The following ANKIB1 variants were observed in gnomAD, a reference collection of about 807,000 sequenced individuals.
ANKIB1 encodes ankyrin repeat and IBR domain-containing protein 1.
A neutral mutation model predicts 122.1 loss-of-function variants in ANKIB1; 43 were observed. The observed-to-expected ratio is 0.35, with a 90% CI of 0.28 to 0.45. ANKIB1 has a LOEUF of 0.45. Ranked by LOEUF, ANKIB1 falls within the 20% of genes least tolerant of loss-of-function variation. The probability of loss-of-function intolerance (pLI) is 1.00; values close to 1 mark genes in which losing one functional copy is unlikely to be tolerated. For synonymous variants in ANKIB1, 390 were observed against 442.0 expected (o/e 0.88, Z 1.48); for missense variants, 992 against 1,329.5 (o/e 0.75, Z 3.95).
At chr7:92,368,700 G>A (rs1160487741) in intron 10 of ANKIB1, among the ~76,000 whole-genome samples, 5 of 151,104 alleles carry the variant, frequency 3.3e-5, no homozygotes, top group African/African-American at 7.3e-5. Context: ...CAGCCTGGGC[G>A]ACAGTGCGAG....
At position 92,345,000 on chromosome 7, in the gene ANKIB1, T is replaced by C; in HGVS notation, c.1019T>C (p.Ile340Thr). 6.2e-7 allele frequency: 1 copy of C among 1,612,976 alleles called. No homozygotes were observed. The highest frequency in any genetic ancestry group is 1.1e-5 in the South Asian group (1 of 90,996). ...TSLCDICMCS[I>T]SVFEDPVDMP... ...CAGTGTGACATTTGTATGTGCAGTA[T>C]CTCTGTATTTGAAGACCCTGTGGAT... Residue 340 changes from isoleucine to threonine, a missense_variant, in exon 7 of 20, where the codon ATC becomes ACC. Ile to Thr is a moderately conservative substitution (Grantham distance 89). Around this residue, in one of 4 missense-constraint regions of ANKIB1, gnomAD observed 521 missense variants for 777.7 expected, o/e 0.67. Transcript: ENST00000265742.
At chr7:92,384,620 A>C (rs1203397600) in intron 11 of ANKIB1, among the ~76,000 whole-genome samples, 1 of 152,226 alleles carries the variant, frequency 6.6e-6, no homozygotes, top group Non-Finnish European at 1.5e-5. Flanking sequence ...AACCTGACAA[A>C]AACAAGAAAT....
intron 9 of ANKIB1, among the ~76,000 whole-genome samples, chr7:92,358,767 GT>G (rs1355981475): frequency 8.0e-6 from 1 of 124,844 alleles, no homozygotes; most frequent in Non-Finnish European, 1.8e-5. Context: ...GATTGCATTT[GT>G]TTGTTTTAGT....
At chr7:92,257,057 G>T (rs1801461834) in intron 1 of ANKIB1, among the ~76,000 whole-genome samples, 1 of 152,208 alleles carries the variant, frequency 6.6e-6, no homozygotes, top group East Asian at 1.9e-4. Context: ...GGGCATGGTG[G>T]TGCGTGCCTG....
At chr7:92,326,431 C>T (rs1040010703) in intron 4 of ANKIB1, among the ~76,000 whole-genome samples, 2 of 151,998 alleles carry the variant, frequency 1.3e-5, no homozygotes, top group Non-Finnish European at 2.9e-5. Context: ...TAAATGAAGT[C>T]GAATGATGGA....
Position 92,400,559 on chromosome 7 carries a change from A to G in ANKIB1, c.*1610A>G, listed in dbSNP as rs1804992980. ...AGTTATATTAATATTGTTATCCACA[A>G]GAGATGTGATTATGGGTTTTGATTA... is the stretch of plus-strand genomic sequence containing the variant. On this transcript the variant is annotated 3_prime_UTR_variant, in exon 20 of 20. Transcript: ENST00000265742. 6.6e-6 allele frequency: 1 copy of G among 152,188 alleles called. No homozygotes were observed. The highest frequency in any genetic ancestry group is 6.5e-5 in the Admixed American group (1 of 15,278). 9.4% of individuals were successfully genotyped at this position (152,188 alleles called of 1,614,324 possible).
chr7:92,339,244 G>A (rs1346587861), intron 5 of ANKIB1, among the ~76,000 whole-genome samples: 1 of 151,282 alleles, frequency 6.6e-6, no homozygotes, highest in African/African-American at 2.4e-5. Flanking sequence ...GGGTTTCACT[G>A]TGTTAGCCAG....
chr7:92,391,286 CTGGCATCTG>C lies in ANKIB1; in HGVS notation c.2178_2186del (p.Ser727_Ala729del). ...TGTACAGCAGAAGAGGCAAGAATTC[CTGGCATCTG>C]TGGCTCGGGGAGTAGCTCCTGCAGA... On this transcript the variant is annotated inframe_deletion, in exon 16 of 20. Coordinates refer to ENST00000265742, the MANE Select transcript of ANKIB1 (RefSeq NM_019004.2). 1 of 1,613,506 alleles carries C rather than the reference CTGGCATCTG, an allele frequency of 6.2e-7. No individual in the cohort carries two copies. The highest frequency in any genetic ancestry group is 8.5e-7 in the Non-Finnish European group (1 of 1,179,640).
rs1017098994 is a variant in ANKIB1, at chr7:92,309,064, T to C, written c.486+1408T>C. Among the ~76,000 whole-genome samples, 5 of 152,346 alleles carry C rather than the reference T, an allele frequency of 3.3e-5. 1 individual carries two copies. The South Asian group carries it at 1.0e-3, about 32-fold the overall frequency. On this transcript the variant is annotated intron_variant, in intron 3 of 19. Coordinates refer to ENST00000265742, the MANE Select transcript of ANKIB1 (RefSeq NM_019004.2). ...CATCACTTATATTATTTCTTCAGTA[T>C]ATCTGAAGTGTCAATTCTTTGATTT...
chr7:92,379,232 T>C (rs1282620483), intron 11 of ANKIB1, among the ~76,000 whole-genome samples: 1 of 151,930 alleles, frequency 6.6e-6, no homozygotes, highest in Non-Finnish European at 1.5e-5. Context: ...CTACTAAAAA[T>C]ACAAAAAAAT....
chr7:92,321,714 AT>A (rs1307727847), intron 4 of ANKIB1, among the ~76,000 whole-genome samples: 1 of 152,132 alleles, frequency 6.6e-6, no homozygotes, highest in African/African-American at 2.4e-5. Flanking sequence ...TGTGTTGTTT[AT>A]TTTCCCCATG....
chr7:92,371,543 C>T lies in ANKIB1; in HGVS notation c.1553C>T (p.Pro518Leu). 9.3e-6 allele frequency: 15 copies of T among 1,605,734 alleles called. No individual in the cohort carries two copies. The highest frequency in any genetic ancestry group is 1.3e-5 in the Non-Finnish European group (15 of 1,175,740). Residue 518 changes from proline (P) to leucine (L), a missense_variant, in exon 11 of 20, where the codon CCT (proline) becomes CTT (leucine). This residue lies in a region of ANKIB1 where 521 missense variants were observed against 777.7 expected (regional missense o/e 0.67). Coordinates refer to ENST00000265742, the MANE Select transcript of ANKIB1 (RefSeq NM_019004.2). ...CTCTGGTTATTAACTAACTCCAAGC[C>T]TTGTGCCAACTGTAAGTCTCCAATA... ...NCLWLLTNSKPCANCKSPIQK... is the reference protein window; with the variant it reads ...NCLWLLTNSKLCANCKSPIQK...
intron 2 of ANKIB1, among the ~76,000 whole-genome samples, chr7:92,304,974 A>G (rs972512588): frequency 1.3e-5 from 2 of 152,190 alleles, no homozygotes; most frequent in African/African-American, 4.8e-5. Flanking sequence ...GGGAAATTCT[A>G]TTCTTATATT....
intron 10 of ANKIB1, among the ~76,000 whole-genome samples, chr7:92,365,873 T>C (rs1045010381): frequency 8.2e-6 from 1 of 122,092 alleles, no homozygotes; most frequent in Non-Finnish European, 1.6e-5. Context: ...CTCGGCTCAC[T>C]GCAAGCTCCG....
chr7:92,386,031 T>C (rs757472253), intron 11 of ANKIB1, among the ~76,000 whole-genome samples: 39 of 152,222 alleles, frequency 2.6e-4, no homozygotes, highest in Non-Finnish European at 5.1e-4. Context: ...CTGATAATTA[T>C]GGTAATTAAG....
chr7:92,299,680 A>G (rs1035792354), intron 2 of ANKIB1, among the ~76,000 whole-genome samples: 1 of 152,204 alleles, frequency 6.6e-6, no homozygotes, highest in African/African-American at 2.4e-5. Context: ...TGGAAAAACA[A>G]TGCCGCTCTT....
chr7:92,250,394 AAAAT>A (rs1271823934), intron 1 of ANKIB1, among the ~76,000 whole-genome samples: 2 of 152,246 alleles, frequency 1.3e-5, no homozygotes, highest in African/African-American at 4.8e-5. Flanking sequence ...ACTCCGCCTA[AAAAT>A]AAATAAATCA....
rs1464261977 is a variant in ANKIB1, at chr7:92,338,949, T to A, written c.788-4075T>A. 3.4e-3 allele frequency among the ~76,000 whole-genome samples: 336 copies of A among 97,544 alleles called. 6 individuals carry two copies. The highest frequency in any genetic ancestry group is 5.4e-3 in the Non-Finnish European group (277 of 51,678). The allele number at this position is 97,544 out of a possible 152,430, so 64.0% of individuals were successfully genotyped here. ...AAAAAAAAAAATATATATATATATA[T>A]ATATATATATATATATATATATTTA... On this transcript the variant is annotated intron_variant, in intron 5 of 19. Transcript: ENST00000265742.
At chr7:92,381,041 A>G (rs917949802) in intron 11 of ANKIB1, among the ~76,000 whole-genome samples, 16 of 152,170 alleles carry the variant, frequency 1.1e-4, no homozygotes, top group African/African-American at 3.9e-4. Context: ...ACTAGAATAA[A>G]CAGTGTAGAG....
Sources: allele counts gnomAD v4.1 joint callset (sites outside exome capture counted in the v4.1 genomes callset), GRCh38; gene constraint gnomAD v4.1.1; regional missense constraint gnomAD v4.1.1; transcripts MANE v1.5; gene names NCBI Gene and HGNC (gene_info 2026-07-23, HGNC 2026-07-21).